BRD10: variants seen among roughly 807,000 people sequenced by gnomAD.
The protein encoded by BRD10 is uncharacterized bromodomain-containing protein 10.
the BRD10 span, among the ~76,000 whole-genome samples, chr9:5,970,763 T>C: frequency 6.6e-6 from 1 of 151,910 alleles, no homozygotes; most frequent in Admixed American, 6.6e-5. Context: ...AGTTAAAAAA[T>C]GGACAGGCTG....
At chr9:5,897,520 T>A in the BRD10 span, 1 of 1,559,158 alleles carries the variant, frequency 6.4e-7, no homozygotes, top group South Asian at 1.1e-5. Context: ...GAACAATGTT[T>A]CAATGACAAA....
chr9:5,957,808 T>A, the BRD10 span, among the ~76,000 whole-genome samples: 2 of 152,138 alleles, frequency 1.3e-5, no homozygotes, highest in South Asian at 4.1e-4. Flanking sequence ...AATATTATTT[T>A]AAAAATCGAG....
the BRD10 span, among the ~76,000 whole-genome samples, chr9:5,892,244 A>G: frequency 2.6e-4 from 40 of 152,316 alleles, no homozygotes; most frequent in African/African-American, 9.4e-4. Flanking sequence ...ATTTTCAGTT[A>G]GTAGGAGGGG....
At chr9:5,966,046 C>T in the BRD10 span, among the ~76,000 whole-genome samples, 10 of 152,196 alleles carry the variant, frequency 6.6e-5, no homozygotes, top group African/African-American at 2.4e-4. Flanking sequence ...ACTGCATCTA[C>T]CAGATCCAAA....
the BRD10 span, chr9:5,906,773 G>C: frequency 3.2e-6 from 2 of 634,690 alleles, no homozygotes; most frequent in Non-Finnish European, 5.4e-6. Flanking sequence ...CAGCAAGTAA[G>C]TGGCAGAACC....
At chr9:5,891,426 T>G in the BRD10 span, 1 of 152,200 alleles carries the variant, frequency 6.6e-6, no homozygotes, top group African/African-American at 2.4e-5. Flanking sequence ...ATTTCTTTTT[T>G]ACAACTGGGA....
At chr9:5,889,975 T>C in the BRD10 span, among the ~76,000 whole-genome samples, 1 of 152,194 alleles carries the variant, frequency 6.6e-6, no homozygotes, top group Non-Finnish European at 1.5e-5. Flanking sequence ...ACCAAAGGCA[T>C]CACAGAGAAC....
the BRD10 span, among the ~76,000 whole-genome samples, chr9:5,917,332 G>C: frequency 1.3e-5 from 2 of 152,196 alleles, no homozygotes; most frequent in African/African-American, 4.8e-5. Flanking sequence ...CATCTGGGAA[G>C]ACCTTCAAGT....
the BRD10 span, chr9:5,920,815 T>C: frequency 6.2e-7 from 1 of 1,613,936 alleles, no homozygotes; most frequent in Non-Finnish European, 8.5e-7. Flanking sequence ...CTACTGGTTG[T>C]GTAGTTGAAA....
chr9:5,881,405 G>T, the BRD10 span, among the ~76,000 whole-genome samples: 1 of 152,192 alleles, frequency 6.6e-6, no homozygotes, highest in Admixed American at 6.5e-5. Flanking sequence ...CCAGAGACAC[G>T]GGGTGGTCCA....
At chr9:5,937,941 A>C in the BRD10 span, among the ~76,000 whole-genome samples, 3 of 152,190 alleles carry the variant, frequency 2.0e-5, no homozygotes, top group African/African-American at 7.2e-5. Context: ...ATTTCCTATC[A>C]TCTAGGTCCC....
the BRD10 span, among the ~76,000 whole-genome samples, chr9:5,955,362 C>T: frequency 2.0e-5 from 3 of 152,092 alleles, no homozygotes; most frequent in African/African-American, 7.2e-5. Context: ...CATTTGCAGA[C>T]TAAAATCCAC....
chr9:5,951,035 TACACACACAC>T, the BRD10 span, among the ~76,000 whole-genome samples: 549 of 141,724 alleles, frequency 3.9e-3, 5 homozygotes, highest in South Asian at 9.8e-3. Flanking sequence ...GGGCTGACTG[TACACACACAC>T]ACACACACAC....
chr9:5,886,163 G>A, the BRD10 span, among the ~76,000 whole-genome samples: 1 of 152,282 alleles, frequency 6.6e-6, no homozygotes, highest in East Asian at 1.9e-4. Context: ...ACTGAAGAGG[G>A]CCTAAGCCCC....
the BRD10 span, among the ~76,000 whole-genome samples, chr9:5,956,446 A>G: frequency 6.6e-6 from 1 of 152,170 alleles, no homozygotes; most frequent in Non-Finnish European, 1.5e-5. Flanking sequence ...TATAGAGGTC[A>G]TGTATAACAG....
At chr9:5,978,559 T>C in the BRD10 span, among the ~76,000 whole-genome samples, 2 of 152,166 alleles carry the variant, frequency 1.3e-5, no homozygotes, top group Non-Finnish European at 2.9e-5. Context: ...GTCAACCTTC[T>C]TATTTATCTG....
the BRD10 span, among the ~76,000 whole-genome samples, chr9:5,949,511 G>A: frequency 6.6e-6 from 1 of 152,150 alleles, no homozygotes; most frequent in African/African-American, 2.4e-5. Flanking sequence ...GGTATGTTAA[G>A]GATCAGTGAG....
chr9:5,910,780 C>T, the BRD10 span: 1 of 152,180 alleles, frequency 6.6e-6, no homozygotes, highest in Non-Finnish European at 1.5e-5. Context: ...AAGACTTACT[C>T]CCCACTTCAC....
the BRD10 span, among the ~76,000 whole-genome samples, chr9:5,932,738 A>G: frequency 1.2e-4 from 19 of 152,122 alleles, no homozygotes; most frequent in African/African-American, 4.3e-4. Flanking sequence ...AGAATTCTAC[A>G]CTCTAAATAC....
Sources: allele counts gnomAD v4.1 joint callset (sites outside exome capture counted in the v4.1 genomes callset), GRCh38; gene constraint gnomAD v4.1.1; transcripts MANE v1.5; gene names NCBI Gene and HGNC (gene_info 2026-07-23, HGNC 2026-07-21).